PCDHGB3: variants seen among roughly 807,000 people sequenced by gnomAD.
PCDHGB3 encodes the protein protocadherin gamma subfamily B, 3, also known as protocadherin gamma-B3.
PCDHGB3 carries 40 observed loss-of-function variants against 59.2 expected under a neutral mutation model. The observed-to-expected ratio is 0.68, with a 90% confidence interval of 0.52 to 0.88. The LOEUF (loss-of-function observed/expected upper bound fraction) is 0.88, where lower values mean the gene tolerates loss of function less well. PCDHGB3 is among the 40% of genes least tolerant of loss of function. PCDHGB3 has a pLI of 0.00. For synonymous variants in PCDHGB3, 581 were observed against 503.6 expected, an observed-to-expected ratio of 1.15 and a Z score of -2.06; for missense variants, 1,309 against 1,187.9, an observed-to-expected ratio of 1.10 and a Z score of -1.50.
chr5:141,416,791 G>C (rs1389798483), intron 1 of PCDHGB3: 1 of 152,166 alleles, frequency 6.6e-6, no homozygotes, highest in Non-Finnish European at 1.5e-5. Flanking sequence ...TCTACTAAAT[G>C]TGGTAGTATA....
At chr5:141,399,977 T>C (rs1166854292) in intron 1 of PCDHGB3, 1 of 1,612,262 alleles carries the variant, frequency 6.2e-7, no homozygotes, top group African/African-American at 1.3e-5. Flanking sequence ...AGCCTGGGGC[T>C]GCGCACAGGA....
chr5:141,397,332 A>G (rs1246653356), intron 1 of PCDHGB3, among the ~76,000 whole-genome samples: 1 of 152,234 alleles, frequency 6.6e-6, no homozygotes, highest in Non-Finnish European at 1.5e-5. Flanking sequence ...AATTATTTTT[A>G]TAAAGAATGT....
intron 1 of PCDHGB3, chr5:141,405,642 T>C (rs2094697537): frequency 1.9e-6 from 1 of 528,606 alleles, no homozygotes; most frequent in Non-Finnish European, 3.3e-6. Flanking sequence ...GCCCGGCTAA[T>C]TTTTTGTGTG....
At chr5:141,423,193 T>A in intron 1 of PCDHGB3, 2 of 1,613,564 alleles carry the variant, frequency 1.2e-6, no homozygotes, top group Non-Finnish European at 1.7e-6. Context: ...GCCCCCTCTC[T>A]CGGCCACCGT....
At chr5:141,404,720 A>C in intron 1 of PCDHGB3, 1 of 1,613,804 alleles carries the variant, frequency 6.2e-7, no homozygotes, top group Non-Finnish European at 8.5e-7. Flanking sequence ...CCTGGTGACC[A>C]AGGTGGTGGC....
intron 1 of PCDHGB3, chr5:141,413,447 C>T: frequency 2.5e-6 from 4 of 1,614,088 alleles, no homozygotes; most frequent in Non-Finnish European, 3.4e-6. Flanking sequence ...TTGATCACCG[C>T]GGGCAGGATA....
chr5:141,444,722 C>T (rs72790051), intron 1 of PCDHGB3, among the ~76,000 whole-genome samples: 3,290 of 152,024 alleles, frequency 0.022, 51 homozygotes, highest in South Asian at 0.038. Flanking sequence ...TGCTTGGTGC[C>T]TTTGTTGAAA....
intron 1 of PCDHGB3, among the ~76,000 whole-genome samples, chr5:141,457,253 T>C (rs986838327): frequency 1.4e-4 from 22 of 152,196 alleles, no homozygotes; most frequent in Admixed American, 1.4e-3. Flanking sequence ...CTTGCCAACA[T>C]ATAGAATTCC....
intron 1 of PCDHGB3, among the ~76,000 whole-genome samples, chr5:141,401,612 C>A (rs1190962219): frequency 6.6e-6 from 1 of 152,146 alleles, no homozygotes; most frequent in Non-Finnish European, 1.5e-5. Context: ...AAAAAGACAC[C>A]GGATTTGTCT....
At chr5:141,478,740 C>T (rs2099474176) in intron 1 of PCDHGB3, 7 of 1,531,524 alleles carry the variant, frequency 4.6e-6, no homozygotes, top group Non-Finnish European at 6.2e-6. Flanking sequence ...GGTTTGTGGT[C>T]CCATTTCAGG....
intron 1 of PCDHGB3, among the ~76,000 whole-genome samples, chr5:141,458,526 A>T (rs921943954): frequency 1.7e-4 from 26 of 151,492 alleles, no homozygotes; most frequent in African/African-American, 5.6e-4. Flanking sequence ...TTTTTTTTTA[A>T]CTTATCAACT....
In PCDHGB3 at chr5:141,491,789, T is replaced by G; in HGVS notation, c.2416-3018T>G. The G allele has an allele frequency of 6.6e-7, 1 of 1,525,854 alleles. No individual in the cohort carries two copies. Among genetic ancestry groups the G allele is most frequent in the Non-Finnish European group, 8.8e-7 (1 of 1,137,340 alleles). The allele number at this position is 1,525,854 out of a possible 1,614,324, so 94.5% of individuals were successfully genotyped here. ...CATAAGGGATTGAACTTGCATCCAC[T>G]CCTCTCCGGCCGGCTTGGTCGCTGG... On this transcript the variant is annotated intron_variant, in intron 1 of 3. Transcript: ENST00000576222. The surrounding 1 kb of genome is among the most constrained non-coding windows in gnomAD (Gnocchi z 6.9).
chr5:141,466,754 C>G (rs1045917268), intron 1 of PCDHGB3, among the ~76,000 whole-genome samples: 2 of 152,138 alleles, frequency 1.3e-5, no homozygotes, highest in South Asian at 2.1e-4. Context: ...GATAGGGGCT[C>G]TTTTCAAACT....
At chr5:141,420,458 CAA>C (rs1269245240) in intron 1 of PCDHGB3, 1 of 925,076 alleles carries the variant, frequency 1.1e-6, no homozygotes, top group Non-Finnish European at 1.5e-6. Context: ...TCCTACTATT[CAA>C]AGACATTTTA....
At chr5:141,399,509 A>G in intron 1 of PCDHGB3, 13 of 1,613,968 alleles carry the variant, frequency 8.1e-6, no homozygotes, top group Non-Finnish European at 1.1e-5. Flanking sequence ...CCCGAAAACA[A>G]CCCTCCTGGG....
intron 1 of PCDHGB3, chr5:141,405,448 C>A: frequency 5.3e-6 from 7 of 1,314,660 alleles, no homozygotes; most frequent in South Asian, 1.3e-5. Context: ...GAGACAGAGT[C>A]TTACTCTGTT....
chr5:141,421,574 A>C, intron 1 of PCDHGB3: 1 of 1,613,924 alleles, frequency 6.2e-7, no homozygotes. Flanking sequence ...GACACCTTGA[A>C]GATTTACGGA....
At position 141,485,325 on chromosome 5, in the gene PCDHGB3, A is replaced by T; in HGVS notation, c.2416-9482A>T. 6.2e-7 allele frequency: 1 copy of T among 1,614,078 alleles called. No homozygotes were observed. Among genetic ancestry groups the T allele is most frequent in the Non-Finnish European group, 8.5e-7 (1 of 1,180,014 alleles). ...ACTTTTGTAGGGAATGTCGCTCAAG[A>T]TTTCCTGCTGGATACGGACAGTCTG... is the stretch of plus-strand genomic sequence containing the variant. On this transcript the variant is annotated intron_variant, in intron 1 of 3. Coordinates refer to ENST00000576222, the MANE Select transcript of PCDHGB3 (RefSeq NM_018924.5). This position sits in a 1 kb window ranked among gnomAD's most constrained non-coding sequence, Gnocchi z 5.7.
At chr5:141,401,802 A>C (rs1030250595) in intron 1 of PCDHGB3, among the ~76,000 whole-genome samples, 162 of 152,148 alleles carry the variant, frequency 1.1e-3, no homozygotes, top group African/African-American at 3.7e-3. Context: ...TGATTCAGTA[A>C]ATGGGTTCCT....
Sources: gnomAD v4.1 joint callset for allele counts (sites outside exome capture counted in the v4.1 genomes callset) on GRCh38, gnomAD v4.1.1 for gene constraint, Gnocchi (gnomAD v3.1) non-coding constraint, MANE v1.5 for transcripts, NCBI Gene and HGNC (gene_info 2026-07-23, HGNC 2026-07-21) for gene names.